Variants in KHK observed in about 807,000 individuals in gnomAD.
The protein encoded by KHK is fructokinase.
Under a neutral mutation model 36.0 loss-of-function variants are expected in KHK, and 37 were observed. The ratio of observed to expected loss-of-function variants is 1.03; its 90% CI spans 0.79 to 1.35. The LOEUF is 1.35. KHK is among the 40% of genes most tolerant of loss of function. KHK has a pLI of 0.00. For synonymous variants in KHK, 161 were observed against 162.8 expected, an observed-to-expected ratio of 0.99 and a Z score of 0.08; for missense variants, 395 against 391.9, an observed-to-expected ratio of 1.01 and a Z score of -0.07.
rs1205419774 is a variant in KHK, at chr2:27,094,005, C to G, written c.210-795C>G. 3.9e-5 allele frequency among the ~76,000 whole-genome samples: 6 copies of G among 152,180 alleles called. No homozygotes were observed. In the South Asian group the frequency reaches 1.0e-3, roughly 26 times the overall value. ...ATCACAGCATTAGGACTGGGAGGGA[C>G]TGAGAGAGGACAGCACCCTGGATGA... On this transcript the variant is annotated intron_variant, in intron 2 of 7. Transcript: ENST00000260598.
In KHK at chr2:27,100,089, G is replaced by A. The variant is rs1185716349; in HGVS notation, c.*339G>A. ...CTCTCCGCCCAGGCCCAGAGGAGGG[G>A]CTGCCTGGGCTAGAGCAGCGAGAAG... On this transcript the variant is annotated 3_prime_UTR_variant, in exon 8 of 8. Transcript: ENST00000260598. 58 of 590,118 alleles carry A rather than the reference G, an allele frequency of 9.8e-5. No homozygotes were observed. The highest frequency in any genetic ancestry group is 3.0e-6 in the Non-Finnish European group (1 of 332,830). 36.6% of individuals were successfully genotyped at this position (590,118 alleles called of 1,614,324 possible).
Position 27,099,943 on chromosome 2 carries a change from A to G in KHK, c.*193A>G. The stretch of plus-strand genomic sequence containing the variant: ...GGATGGCTGGGGGATGCAGAGCCTC[A>G]GAGCAAATAAATCTTCCTCAGAGCC... On this transcript the variant is annotated 3_prime_UTR_variant, in exon 8 of 8. Coordinates refer to ENST00000260598, the MANE Select transcript of KHK (RefSeq NM_006488.3). The G allele has an allele frequency of 4.0e-6, 5 of 1,258,878 alleles. No homozygotes were observed. Among genetic ancestry groups the G allele is most frequent in the Non-Finnish European group, 5.7e-6 (5 of 884,294 alleles). The allele number at this position is 1,258,878 out of a possible 1,614,324, so 78.0% of individuals were successfully genotyped here.
At position 27,100,568 on chromosome 2, in the gene KHK, T is replaced by C; in HGVS notation, c.*818T>C. On this transcript the variant is annotated 3_prime_UTR_variant, in exon 8 of 8. Transcript: ENST00000260598. ...CTTATAATGTAAAGAGCATATAATG[T>C]AAAGGGCTTTAGAGTGAGACAGACC... The C allele has an allele frequency of 7.8e-7, 1 of 1,286,096 alleles. No individual in the cohort carries two copies. Among genetic ancestry groups the C allele is most frequent in the Non-Finnish European group, 1.0e-6 (1 of 984,566 alleles). The allele number at this position is 1,286,096 out of a possible 1,614,324, so 79.7% of individuals were successfully genotyped here.
intron 2 of KHK, among the ~76,000 whole-genome samples, chr2:27,093,421 T>C (rs1389444403): frequency 1.3e-5 from 2 of 152,150 alleles, no homozygotes; most frequent in Admixed American, 1.3e-4. Flanking sequence ...TACATAGCAA[T>C]CAGGCCAATG....
intron 2 of KHK, among the ~76,000 whole-genome samples, chr2:27,093,536 A>G (rs1258819633): frequency 6.6e-6 from 1 of 152,208 alleles, no homozygotes; most frequent in African/African-American, 2.4e-5. Flanking sequence ...ACCAAACCAT[A>G]TTTCCAATGC....
chr2:27,091,003 C>A (rs1156394908), intron 1 of KHK, among the ~76,000 whole-genome samples: 1 of 152,014 alleles, frequency 6.6e-6, no homozygotes, highest in South Asian at 2.1e-4. Flanking sequence ...CTGCAGTGAA[C>A]CATGATCATG....
chr2:27,095,625 T>TC (rs921422017), intron 3 of KHK, among the ~76,000 whole-genome samples: 4 of 152,210 alleles, frequency 2.6e-5, no homozygotes, highest in African/African-American at 9.7e-5. Flanking sequence ...CCTTGCAGAC[T>TC]CCCTCCTGCA....
Position 27,087,186 on chromosome 2 carries a change from T to C in KHK, c.-74T>C. 7.7e-7 allele frequency: 1 copy of C among 1,295,878 alleles called. No homozygotes were observed. The highest frequency in any genetic ancestry group is 1.3e-5 in the South Asian group (1 of 78,178). The allele number at this position is 1,295,878 out of a possible 1,614,324, so 80.3% of individuals were successfully genotyped here. On this transcript the variant is annotated 5_prime_UTR_variant, in exon 1 of 8. Coordinates refer to ENST00000260598, the MANE Select transcript of KHK (RefSeq NM_006488.3). The stretch of plus-strand genomic sequence containing the variant: ...AGGGCAGCTGGGAGCGGGGACACCA[T>C]CCTCCTGGATAAGAGGCAGAGGCCG...
At chr2:27,094,001 G>T (rs769121473) in intron 2 of KHK, among the ~76,000 whole-genome samples, 3 of 152,212 alleles carry the variant, frequency 2.0e-5, no homozygotes, top group African/African-American at 4.8e-5. Context: ...AGGACTGGGA[G>T]GGACTGAGAG....
At chr2:27,092,223 T>C in intron 1 of KHK, 109 bp from the exon 2 acceptor site, 1 of 898,724 alleles carries the variant, frequency 1.1e-6, no homozygotes, top group Non-Finnish European at 1.8e-6. Flanking sequence ...TCGGCCTAGA[T>C]GCTTTCTGAG....
At chr2:27,092,584 G>A (rs774342382) in intron 2 of KHK, 136 bp downstream of exon 2, 15 of 706,986 alleles carry the variant, frequency 2.1e-5, no homozygotes, top group South Asian at 3.2e-5. Context: ...GGGGCATGGC[G>A]GAGCACCAGA....
intron 3 of KHK, among the ~76,000 whole-genome samples, chr2:27,096,421 C>CT (rs1467908590): frequency 1.3e-5 from 2 of 152,144 alleles, no homozygotes; most frequent in Admixed American, 6.5e-5. Flanking sequence ...GAAGTGTAGG[C>CT]TTGGCGCTCT....
intron 5 of KHK, among the ~76,000 whole-genome samples, chr2:27,098,186 C>T (rs1670517531): frequency 6.6e-6 from 1 of 152,110 alleles, no homozygotes; most frequent in African/African-American, 2.4e-5. Flanking sequence ...CCAAGGTCCT[C>T]AACCTTGTGA....
At chr2:27,089,355 G>A (rs1261704131) in intron 1 of KHK, among the ~76,000 whole-genome samples, 1 of 152,096 alleles carries the variant, frequency 6.6e-6, no homozygotes, top group Non-Finnish European at 1.5e-5. Context: ...CAAGGTCGAG[G>A]CAGCCACAGG....
In KHK at chr2:27,100,198, G is replaced by C. The variant is rs1440082839; in HGVS notation, c.*448G>C. 4.6e-6 allele frequency: 2 copies of C among 434,636 alleles called. No individual in the cohort carries two copies. The highest frequency in any genetic ancestry group is 8.5e-6 in the Non-Finnish European group (2 of 233,944). 26.9% of individuals were successfully genotyped at this position (434,636 alleles called of 1,614,324 possible). ...CCAGTGAACCTGCCAAAGAAACCGT[G>C]AGAGCTCTTCGGGGCCCTGCGTTGT... is the stretch of plus-strand genomic sequence containing the variant. On this transcript the variant is annotated 3_prime_UTR_variant, in exon 8 of 8. Transcript: ENST00000260598.
intron 5 of KHK, 111 bp from the exon 6 acceptor site, chr2:27,099,085 G>GA: frequency 1.1e-6 from 1 of 921,620 alleles, no homozygotes; most frequent in Non-Finnish European, 1.8e-6. Context: ...CTACGTTGGG[G>GA]ATCTATGTGG....
In KHK at chr2:27,099,263, T is replaced by C; in HGVS notation, c.632T>C (p.Leu211Ser). 1 of 1,613,930 alleles carries C rather than the reference T, an allele frequency of 6.2e-7. No individual in the cohort carries two copies. The highest frequency in any genetic ancestry group is 8.5e-7 in the Non-Finnish European group (1 of 1,179,978). ...FQSAEEALRG[L>S]YGRVRKGAVL... ...TCAGCAGAGGAAGCCTTGAGGGGCT[T>C]GTATGGTCGTGTGAGGAAAGGGTGA... Residue 211 changes from leucine (L) to serine (S), a missense_variant, in exon 6 of 8, where the codon TTG becomes TCG. By Grantham distance (145) the Leu-to-Ser change is moderately radical (BLOSUM62 -2). Coordinates refer to ENST00000260598, the MANE Select transcript of KHK (RefSeq NM_006488.3).
intron 1 of KHK, among the ~76,000 whole-genome samples, 153 bp from the exon 2 acceptor site, chr2:27,092,179 C>T (rs1670048522): frequency 6.6e-6 from 1 of 152,240 alleles, no homozygotes; most frequent in Non-Finnish European, 1.5e-5. Context: ...CTTCCCTTGG[C>T]CGGCCTCGGC....
At position 27,100,688 on chromosome 2, in the gene KHK, C is replaced by A. The variant is rs1310289302; in HGVS notation, c.*938C>A. On this transcript the variant is annotated 3_prime_UTR_variant, in exon 8 of 8. Coordinates refer to ENST00000260598, the MANE Select transcript of KHK (RefSeq NM_006488.3). ...AATTTCTTCATCTGTCAAATGGAAC[C>A]AATTCTGCTTGGCTACAGAATTATT... is the stretch of plus-strand genomic sequence containing the variant. The A allele has an allele frequency of 9.2e-7, 1 of 1,086,356 alleles. No individual in the cohort carries two copies. The allele number at this position is 1,086,356 out of a possible 1,614,324, so 67.3% of individuals were successfully genotyped here. A position where few individuals can be genotyped will look rare whatever the true frequency, so the allele number is the denominator to read the frequency against.
Sources: gnomAD v4.1 joint callset for allele counts (sites outside exome capture counted in the v4.1 genomes callset) on GRCh38, gnomAD v4.1.1 for gene constraint, MANE v1.5 for transcripts, NCBI Gene and HGNC (gene_info 2026-07-23, HGNC 2026-07-21) for gene names.